Variants in GRM5 observed in about 807,000 individuals in gnomAD.
The protein encoded by GRM5 is metabotropic glutamate receptor 5.
GRM5 carries 19 observed loss-of-function variants against 83.1 expected under a neutral mutation model. The ratio of observed to expected loss-of-function variants is 0.23; its 90% CI spans 0.16 to 0.34. GRM5 has a LOEUF of 0.34. GRM5 is among the 10% of genes least tolerant of loss of function. The pLI, the probability that GRM5 is intolerant of heterozygous loss-of-function variation, is 1.00. For missense variants in GRM5, 1,160 were observed against 1,588.3 expected, an observed-to-expected ratio of 0.73 and a Z score of 4.58; for synonymous variants, 675 against 633.6, an observed-to-expected ratio of 1.07 and a Z score of -0.98.
intron 3 of GRM5, among the ~76,000 whole-genome samples, chr11:88,687,596 AT>A (rs2135354950): frequency 1.6e-5 from 1 of 63,276 alleles, no homozygotes; most frequent in South Asian, 7.3e-4. Context: ...ATATATATAT[AT>A]TCTCCACATG....
At chr11:88,997,396 C>T (rs956375235) in intron 2 of GRM5, among the ~76,000 whole-genome samples, 3 of 147,688 alleles carry the variant, frequency 2.0e-5, no homozygotes, top group African/African-American at 5.0e-5. Context: ...TGACTTTCCA[C>T]CTCAAAAGAA....
chr11:88,902,965 A>C (rs1333041567), intron 2 of GRM5, among the ~76,000 whole-genome samples: 1 of 80,604 alleles, frequency 1.2e-5, no homozygotes. Context: ...AAAAAAAAAA[A>C]AAAAAAAAAA....
At chr11:88,890,402 A>G (rs931289729) in intron 2 of GRM5, among the ~76,000 whole-genome samples, 7 of 152,154 alleles carry the variant, frequency 4.6e-5, no homozygotes, top group Non-Finnish European at 8.8e-5. Context: ...CAGTAATCCA[A>G]TTAAGAAACT....
intron 2 of GRM5, among the ~76,000 whole-genome samples, chr11:88,928,902 G>GTA (rs149267365): frequency 0.023 from 1,376 of 60,276 alleles, 25 homozygotes; most frequent in East Asian, 0.039. Context: ...ATGTGTATGT[G>GTA]TATATACACA....
intron 1 of GRM5, among the ~76,000 whole-genome samples, chr11:89,053,618 C>A (rs1316855141): frequency 2.0e-5 from 3 of 150,458 alleles, no homozygotes; most frequent in African/African-American, 7.4e-5. Flanking sequence ...AGAGGGTTTG[C>A]GAGACAAGAA....
chr11:88,697,666 G>A (rs1391149941), intron 3 of GRM5, among the ~76,000 whole-genome samples: 10 of 152,146 alleles, frequency 6.6e-5, no homozygotes, highest in Admixed American at 6.6e-5. Flanking sequence ...ATGCACAATT[G>A]TGACTAGGAA....
intron 3 of GRM5, among the ~76,000 whole-genome samples, chr11:88,762,251 A>T (rs1284464667): frequency 6.6e-6 from 1 of 152,166 alleles, no homozygotes; most frequent in East Asian, 1.9e-4. Flanking sequence ...GTAAACCAAT[A>T]ACCAACAGAA....
intron 1 of GRM5, among the ~76,000 whole-genome samples, chr11:89,061,890 A>G (rs887740927): frequency 2.0e-5 from 3 of 152,236 alleles, no homozygotes; most frequent in Non-Finnish European, 2.9e-5. Context: ...TAGGGGTGCA[A>G]TTAAAATATC....
chr11:88,592,928 C>T (rs1056693722), intron 6 of GRM5, among the ~76,000 whole-genome samples: 5 of 152,164 alleles, frequency 3.3e-5, no homozygotes, highest in African/African-American at 1.2e-4. Context: ...AGCCTCCCAC[C>T]TCAGCTTCCT....
At chr11:88,817,872 T>C (rs1376821503) in intron 3 of GRM5, among the ~76,000 whole-genome samples, 1 of 152,110 alleles carries the variant, frequency 6.6e-6, no homozygotes, top group Admixed American at 6.5e-5. Context: ...TGTTAAGAAC[T>C]GAACGAGCTC....
chr11:88,802,904 G>C (rs1243970244), intron 3 of GRM5, among the ~76,000 whole-genome samples: 2 of 151,370 alleles, frequency 1.3e-5, no homozygotes. Flanking sequence ...GACAAACAGA[G>C]AGCCAAATCA....
intron 3 of GRM5, among the ~76,000 whole-genome samples, chr11:88,793,720 C>T (rs143799886): frequency 9.2e-5 from 14 of 152,022 alleles, no homozygotes; most frequent in Non-Finnish European, 1.6e-4. Flanking sequence ...AGGGCCAATA[C>T]GGGAGTCAGG....
intron 2 of GRM5, among the ~76,000 whole-genome samples, chr11:89,044,184 A>AGTG (rs1941593267): frequency 6.6e-6 from 1 of 152,200 alleles, no homozygotes; most frequent in African/African-American, 2.4e-5. Flanking sequence ...ACTCCATTAA[A>AGTG]AGAAGTGATT....
chr11:88,815,062 C>T (rs76717875), intron 3 of GRM5, among the ~76,000 whole-genome samples: 5,688 of 152,184 alleles, frequency 0.037, 366 homozygotes, highest in African/African-American at 0.13. Flanking sequence ...CTTGAACAAC[C>T]CATCACTCAA....
At chr11:88,651,016 G>T (rs79576828) in intron 4 of GRM5, among the ~76,000 whole-genome samples, 4 of 151,970 alleles carry the variant, frequency 2.6e-5, no homozygotes, top group South Asian at 4.1e-4. Flanking sequence ...AGATTCCAAG[G>T]GGGGGGATGG....
At chr11:88,870,266 T>C (rs1944740659) in intron 2 of GRM5, among the ~76,000 whole-genome samples, 1 of 151,570 alleles carries the variant, frequency 6.6e-6, no homozygotes, top group South Asian at 2.1e-4. Flanking sequence ...CAGACAGAGT[T>C]GCAACCTAGT....
chr11:88,682,208 C>CAAG (rs1565184638), intron 3 of GRM5, among the ~76,000 whole-genome samples: 5 of 152,128 alleles, frequency 3.3e-5, no homozygotes, highest in African/African-American at 9.7e-5. Flanking sequence ...CCAGGCCAGA[C>CAAG]CTCTCTGCTT....
At chr11:88,862,912 T>C (rs978575380) in intron 2 of GRM5, among the ~76,000 whole-genome samples, 4 of 152,038 alleles carry the variant, frequency 2.6e-5, no homozygotes, top group Non-Finnish European at 4.4e-5. Context: ...CTTAAATAAA[T>C]TTACAAGAAA....
chr11:88,929,634 A>T (rs1041601615), intron 2 of GRM5, among the ~76,000 whole-genome samples: 1 of 152,126 alleles, frequency 6.6e-6, no homozygotes, highest in Non-Finnish European at 1.5e-5. Context: ...GTATTTTATT[A>T]TCTTGTAAAC....
Sources: gnomAD v4.1 joint callset for allele counts (sites outside exome capture counted in the v4.1 genomes callset) on GRCh38, gnomAD v4.1.1 for gene constraint, MANE v1.5 for transcripts, NCBI Gene and HGNC (gene_info 2026-07-23, HGNC 2026-07-21) for gene names.